SLC8A1: variants seen among roughly 807,000 people sequenced by gnomAD.
SLC8A1 encodes the protein solute carrier family 8 member A1.
Under a neutral mutation model 68.3 loss-of-function variants are expected in SLC8A1, and 18 were observed. The ratio of observed to expected loss-of-function variants is 0.26; its 90% CI spans 0.18 to 0.39. The LOEUF is 0.39. Among genes scored for constraint, SLC8A1 ranks in the 10% least tolerant of loss-of-function variants. The probability of loss-of-function intolerance (pLI) is 1.00; values close to 1 mark genes in which losing one functional copy is unlikely to be tolerated. For synonymous variants in SLC8A1, 475 were observed against 415.5 expected, an observed-to-expected ratio of 1.14 and a Z score of -1.74; for missense variants, 985 against 1,156.7, an observed-to-expected ratio of 0.85 and a Z score of 2.15.
chr2:40,158,883 A>G (rs149522392), intron 6 of SLC8A1, among the ~76,000 whole-genome samples: 22 of 152,306 alleles, frequency 1.4e-4, no homozygotes, highest in South Asian at 4.1e-4. Context: ...CAGTATTAAC[A>G]TCTTTATAGT....
At chr2:40,184,707 A>G (rs937823001) in intron 2 of SLC8A1, among the ~76,000 whole-genome samples, 1 of 152,058 alleles carries the variant, frequency 6.6e-6, no homozygotes, top group Non-Finnish European at 1.5e-5. Context: ...CCATGTCGGG[A>G]ACTGGAACTT....
At chr2:40,163,567 T>G (rs1390949054) in intron 5 of SLC8A1, among the ~76,000 whole-genome samples, 1 of 152,180 alleles carries the variant, frequency 6.6e-6, no homozygotes, top group Non-Finnish European at 1.5e-5. Context: ...CTTCTGGAAT[T>G]ACAGGGAACT....
chr2:40,392,754 G>A (rs150896147), intron 2 of SLC8A1, among the ~76,000 whole-genome samples: 59 of 152,100 alleles, frequency 3.9e-4, no homozygotes, highest in East Asian at 9.7e-4. Flanking sequence ...AAAAGAAAAC[G>A]GAGAAGAGGA....
At chr2:40,237,356 C>T (rs1442794029) in intron 2 of SLC8A1, among the ~76,000 whole-genome samples, 3 of 152,136 alleles carry the variant, frequency 2.0e-5, no homozygotes, top group Non-Finnish European at 2.9e-5. Flanking sequence ...TCATTCATTT[C>T]ATCTTCCATT....
chr2:40,374,572 A>C (rs1049099394), intron 2 of SLC8A1, among the ~76,000 whole-genome samples: 15 of 152,044 alleles, frequency 9.9e-5, no homozygotes, highest in South Asian at 2.1e-4. Flanking sequence ...CCTGTAAAGG[A>C]AAGAACTAGG....
chr2:40,349,514 C>A (rs1159611760), intron 2 of SLC8A1, among the ~76,000 whole-genome samples: 1 of 152,184 alleles, frequency 6.6e-6, no homozygotes, highest in African/African-American at 2.4e-5. Context: ...AGCTAAATGA[C>A]CTTGGGTAAG....
rs549766447 is a variant in SLC8A1, at chr2:40,274,398, G to T, written c.1809-96543C>A. Among the ~76,000 whole-genome samples the T allele has an allele frequency of 2.0e-5, 3 of 152,188 alleles. No homozygotes were observed. The South Asian group carries it at 6.2e-4, about 32-fold the overall frequency. ...CCCACACTGAAGGGCAATGGAAGTT[G>T]TGCTCTAAAATTTTCCAGCAGTATC... is the stretch of plus-strand genomic sequence containing the variant. On this transcript the variant is annotated intron_variant, in intron 2 of 7. Coordinates refer to ENST00000406785, the Ensembl canonical transcript of SLC8A1.
chr2:40,388,316 G>GATAT (rs774423836), intron 2 of SLC8A1, among the ~76,000 whole-genome samples: 5 of 152,146 alleles, frequency 3.3e-5, no homozygotes, highest in Non-Finnish European at 4.4e-5. Context: ...TGAAACATAA[G>GATAT]ATATATAGTT....
chr2:40,500,246 T>C (rs1018518761), intron 1 of SLC8A1, among the ~76,000 whole-genome samples: 5 of 152,122 alleles, frequency 3.3e-5, no homozygotes, highest in African/African-American at 9.7e-5. Context: ...CTTTGAATCA[T>C]GTTCATCATC....
chr2:40,277,178 C>T (rs2066814910), intron 2 of SLC8A1, among the ~76,000 whole-genome samples: 1 of 151,840 alleles, frequency 6.6e-6, no homozygotes, highest in Non-Finnish European at 1.5e-5. Flanking sequence ...GGTTATAACA[C>T]TTGCTTTGTC....
At chr2:40,152,903 A>G (rs1456707330) in intron 6 of SLC8A1, among the ~76,000 whole-genome samples, 1 of 151,598 alleles carries the variant, frequency 6.6e-6, no homozygotes, top group Admixed American at 6.6e-5. Flanking sequence ...TCAAGGGTAC[A>G]GTGAGCTATG....
At chr2:40,186,273 C>T (rs1379337638) in intron 2 of SLC8A1, among the ~76,000 whole-genome samples, 1 of 152,174 alleles carries the variant, frequency 6.6e-6, no homozygotes, top group African/African-American at 2.4e-5. Flanking sequence ...CTTTTGTTGG[C>T]ATTTATTTCT....
chr2:40,110,613 A>G (rs2034498442), exon 8 of SLC8A1: 1 of 152,184 alleles, frequency 6.6e-6, no homozygotes, highest in African/African-American at 2.4e-5. Context: ...TAAAAGCTGA[A>G]TGCCAGTTGT....
chr2:40,471,619 C>T (rs1480640816), intron 1 of SLC8A1, among the ~76,000 whole-genome samples: 1 of 152,118 alleles, frequency 6.6e-6, no homozygotes, highest in African/African-American at 2.4e-5. Context: ...ATAGAGGAAG[C>T]ACACCCCTCA....
intron 2 of SLC8A1, among the ~76,000 whole-genome samples, chr2:40,258,467 C>T (rs1178168374): frequency 6.6e-6 from 1 of 152,150 alleles, no homozygotes; most frequent in Non-Finnish European, 1.5e-5. Context: ...GTCATTTCTT[C>T]CTCCCTCTCC....
At chr2:40,377,976 A>G (rs1680465426) in intron 2 of SLC8A1, among the ~76,000 whole-genome samples, 1 of 152,142 alleles carries the variant, frequency 6.6e-6, no homozygotes, top group Non-Finnish European at 1.5e-5. Context: ...ACTTCATTTC[A>G]CAGGTTTTAA....
At chr2:40,137,382 A>G (rs1179139275) in intron 7 of SLC8A1, among the ~76,000 whole-genome samples, 1 of 152,172 alleles carries the variant, frequency 6.6e-6, no homozygotes, top group Non-Finnish European at 1.5e-5. Flanking sequence ...CTGATTTTGG[A>G]CAATTGTTAT....
chr2:40,499,074 G>A (rs1576673638), intron 1 of SLC8A1, among the ~76,000 whole-genome samples: 2 of 152,146 alleles, frequency 1.3e-5, no homozygotes, highest in South Asian at 4.1e-4. Flanking sequence ...AAATTCGAGA[G>A]AAACACAAAT....
chr2:40,129,966 G>A (rs1036045439), intron 7 of SLC8A1, among the ~76,000 whole-genome samples: 1 of 152,204 alleles, frequency 6.6e-6, no homozygotes, highest in Non-Finnish European at 1.5e-5. Flanking sequence ...CACATGCTGA[G>A]CATCCCTGCT....
Sources: allele counts gnomAD v4.1 joint callset (sites outside exome capture counted in the v4.1 genomes callset), GRCh38; gene constraint gnomAD v4.1.1; transcripts MANE v1.5; gene names NCBI Gene and HGNC (gene_info 2026-07-23, HGNC 2026-07-21).